Variants in DAZAP2 observed in about 807,000 individuals in gnomAD.
DAZAP2 encodes DAZ-associated protein 2.
A neutral mutation model predicts 16.2 loss-of-function variants in DAZAP2; 3 were observed. That is an observed-to-expected ratio of 0.19 (90% CI 0.08 to 0.48). The LOEUF is 0.48. Ranked by LOEUF, DAZAP2 falls within the 20% of genes least tolerant of loss-of-function variation. DAZAP2 has a pLI of 0.98. For synonymous variants in DAZAP2, 69 were observed against 77.6 expected (o/e 0.89, Z 0.58); for missense variants, 172 against 215.9 (o/e 0.80, Z 1.27).
rs774787428 is a variant in DAZAP2, at chr12:51,242,395, C to G, written c.444C>G (p.Leu148=). ...CAGTCATGCAGGGAGCCAACGTCCTCGTAACTCAGCGGAAGGGGAACTTCT... is the reference window on the plus strand; with the variant it reads ...CAGTCATGCAGGGAGCCAACGTCCTGGTAACTCAGCGGAAGGGGAACTTCT... ...QLAVMQGANV[L]VTQRKGNFFM... is the part of the protein sequence containing the mutation. The change falls in exon 4 of 4, where the codon CTC becomes CTG. Residue 148 remains leucine, a synonymous_variant. Transcript: ENST00000412716. 1 of 1,613,920 alleles carries G rather than the reference C, an allele frequency of 6.2e-7. No homozygotes were observed. Among genetic ancestry groups the G allele is most frequent in the Non-Finnish European group, 8.5e-7 (1 of 1,179,968 alleles).
intron 1 of DAZAP2, chr12:51,239,464 G>A (rs1282329175): frequency 7.4e-6 from 1 of 136,038 alleles, no homozygotes; most frequent in Non-Finnish European, 1.6e-5. Context: ...GGTTGAGGGG[G>A]TAAAAAAGGA....
chr12:51,241,772 T>C (rs771327382), intron 3 of DAZAP2, among the ~76,000 whole-genome samples: 1 of 151,942 alleles, frequency 6.6e-6, no homozygotes, highest in Non-Finnish European at 1.5e-5. Context: ...AATACAAAAA[T>C]TAGCCGGGCA....
intron 1 of DAZAP2, chr12:51,239,214 C>G (rs2137279368): frequency 2.3e-6 from 1 of 431,694 alleles, no homozygotes; most frequent in Non-Finnish European, 4.1e-6. Context: ...AGCGCTAGCG[C>G]AGGCATTCGC....
chr12:51,246,552 A>T (rs1944772302), downstream of DAZAP2: 3 of 460,966 alleles, frequency 6.5e-6, no homozygotes, highest in South Asian at 1.4e-4. Context: ...CCACCTCCCA[A>T]CCTGTCATTT....
At chr12:51,243,934 G>A, downstream of DAZAP2, 22 of 983,870 alleles carry the variant, frequency 2.2e-5, no homozygotes, top group Non-Finnish European at 2.3e-5. Flanking sequence ...ACAAGCCTAA[G>A]ACTTGATCAT....
At chr12:51,244,820 CTTTTT>C (rs5798164), downstream of DAZAP2, 3 of 92,076 alleles carry the variant, frequency 3.3e-5, no homozygotes, top group Non-Finnish European at 6.0e-5. Flanking sequence ...TCCCAGGGTA[CTTTTT>C]TTTTTTTTTT....
chr12:51,243,367 G>C lies in DAZAP2; in HGVS notation c.*909G>C. On this transcript the variant is annotated 3_prime_UTR_variant, in exon 4 of 4. Coordinates refer to ENST00000412716, the MANE Select transcript of DAZAP2 (RefSeq NM_014764.4). ...GATGTGTTCAGAGCTAAATTAAGAGGAGTTTTCAGATCAAAAACTGGTTAC... is the reference window on the plus strand; with the variant it reads ...GATGTGTTCAGAGCTAAATTAAGAGCAGTTTTCAGATCAAAAACTGGTTAC... 1 of 985,724 alleles carries C rather than the reference G, an allele frequency of 1.0e-6. No homozygotes were observed. Among genetic ancestry groups the C allele is most frequent in the Non-Finnish European group, 1.2e-6 (1 of 829,918 alleles). 61.1% of individuals were successfully genotyped at this position (985,724 alleles called of 1,614,324 possible).
chr12:51,243,079 C>T lies in DAZAP2; in HGVS notation c.*621C>T, dbSNP rs1328567899. 1 of 990,324 alleles carries T rather than the reference C, an allele frequency of 1.0e-6. No individual in the cohort carries two copies. Among genetic ancestry groups the T allele is most frequent in the African/African-American group, 1.7e-5 (1 of 57,248 alleles). The allele number at this position is 990,324 out of a possible 1,614,324, so 61.3% of individuals were successfully genotyped here. On this transcript the variant is annotated 3_prime_UTR_variant, in exon 4 of 4. Coordinates refer to ENST00000412716, the MANE Select transcript of DAZAP2 (RefSeq NM_014764.4). ...TCGTCATCTTTTAACTAGTGTTTCACAAGGATCCTCTGAAACCCTCTCTGT... is the reference window on the plus strand; with the variant it reads ...TCGTCATCTTTTAACTAGTGTTTCATAAGGATCCTCTGAAACCCTCTCTGT...
downstream of DAZAP2, chr12:51,246,393 C>A (rs569171642): frequency 1.0e-5 from 5 of 476,686 alleles, no homozygotes; most frequent in Admixed American, 1.4e-4. Context: ...CTTAAAGAAA[C>A]GGGAAGGAGG....
intron 1 of DAZAP2, 108 bp from the exon 2 acceptor site, chr12:51,240,235 T>C: frequency 1.2e-6 from 1 of 822,078 alleles, no homozygotes; most frequent in South Asian, 1.5e-5. Context: ...GCAGACTATT[T>C]GCAAATCCCC....
At chr12:51,246,391 A>C (rs1944770014), downstream of DAZAP2, 1 of 483,456 alleles carries the variant, frequency 2.1e-6, no homozygotes, top group Non-Finnish European at 3.6e-6. Context: ...TTCTTAAAGA[A>C]ACGGGAAGGA....
At position 51,243,374 on chromosome 12, in the gene DAZAP2, C is replaced by G. The variant is rs1944715897; in HGVS notation, c.*916C>G. 7 of 985,652 alleles carry G rather than the reference C, an allele frequency of 7.1e-6. No homozygotes were observed. Among genetic ancestry groups the G allele is most frequent in the Non-Finnish European group, 8.4e-6 (7 of 829,932 alleles). The allele number at this position is 985,652 out of a possible 1,614,324, so 61.1% of individuals were successfully genotyped here. ...TCAGAGCTAAATTAAGAGGAGTTTTCAGATCAAAAACTGGTTACCATTTTT... is the reference window on the plus strand; with the variant it reads ...TCAGAGCTAAATTAAGAGGAGTTTTGAGATCAAAAACTGGTTACCATTTTT... On this transcript the variant is annotated 3_prime_UTR_variant, in exon 4 of 4. Coordinates refer to ENST00000412716, the MANE Select transcript of DAZAP2 (RefSeq NM_014764.4).
chr12:51,239,478 G>GAAAAAAAAAAAAAAA (rs34206662), intron 1 of DAZAP2: 1 of 93,684 alleles, frequency 1.1e-5, no homozygotes. Context: ...AAAAGGAATA[G>GAAAAAAAAAAAAAAA]AAAAAAAAAA....
chr12:51,239,154 C>T, intron 1 of DAZAP2: 1 of 564,414 alleles, frequency 1.8e-6, no homozygotes. Flanking sequence ...GAGCTGCGGG[C>T]TCGGGTGGTG....
At chr12:51,239,134 G>A in intron 1 of DAZAP2, 1 of 660,350 alleles carries the variant, frequency 1.5e-6, no homozygotes, top group South Asian at 2.0e-5. Flanking sequence ...AAACTCTGTG[G>A]CGCAGTTTGG....
intron 1 of DAZAP2, 89 bp downstream of exon 1, chr12:51,239,009 G>C: frequency 6.4e-7 from 1 of 1,568,972 alleles, no homozygotes; most frequent in Admixed American, 1.9e-5. Flanking sequence ...CAAACGCCAG[G>C]TTTGGGGTGG....
Position 51,240,367 on chromosome 12 carries a change from A to G in DAZAP2, c.38A>G (p.Tyr13Cys). ...SKGQYPTQPT[Y>C]PVQPPGNPVY... ...GGTCAATATCCAACACAGCCAACCTACCCTGTGCAGCCTCCTGGGAATCCA... is the reference window on the plus strand; with the variant it reads ...GGTCAATATCCAACACAGCCAACCTGCCCTGTGCAGCCTCCTGGGAATCCA... Residue 13 changes from tyrosine (Y) to cysteine (C), a missense_variant, in exon 2 of 4, where the codon TAC becomes TGC. By Grantham distance (194) the Tyr-to-Cys change is radical (BLOSUM62 -2). Coordinates refer to ENST00000412716, the MANE Select transcript of DAZAP2 (RefSeq NM_014764.4). The G allele has an allele frequency of 1.2e-6, 2 of 1,613,848 alleles. No individual in the cohort carries two copies. The highest frequency in any genetic ancestry group is 1.7e-6 in the Non-Finnish European group (2 of 1,179,962).
At chr12:51,240,583 C>A in intron 2 of DAZAP2, 122 bp downstream of exon 2, 2 of 1,044,476 alleles carry the variant, frequency 1.9e-6, no homozygotes, top group South Asian at 1.5e-5. Flanking sequence ...TAATCTAAAA[C>A]ACTATATAAT....
At chr12:51,241,244 T>TG in intron 3 of DAZAP2, 128 bp downstream of exon 3, 1 of 1,418,828 alleles carries the variant, frequency 7.0e-7, no homozygotes, top group Non-Finnish European at 9.5e-7. Context: ...TGACATCCAA[T>TG]ACTCAGGCAG....
Sources: gnomAD v4.1 joint callset for allele counts (sites outside exome capture counted in the v4.1 genomes callset) on GRCh38, gnomAD v4.1.1 for gene constraint, MANE v1.5 for transcripts, NCBI Gene and HGNC (gene_info 2026-07-23, HGNC 2026-07-21) for gene names.